ZGPAT: variants seen among roughly 807,000 people sequenced by gnomAD.
The protein encoded by ZGPAT is zinc finger CCCH-type and G-patch domain containing.
ZGPAT carries 39 observed loss-of-function variants against 47.9 expected under a neutral mutation model. The observed-to-expected ratio is 0.81, with a 90% CI of 0.63 to 1.06. The LOEUF is 1.06. Ranked by LOEUF, ZGPAT falls within the 50% of genes least tolerant of loss-of-function variation. ZGPAT has a pLI of 0.00. For synonymous variants in ZGPAT, 348 were observed against 292.9 expected, an observed-to-expected ratio of 1.19 and a Z score of -1.92; for missense variants, 717 against 681.4, an observed-to-expected ratio of 1.05 and a Z score of -0.58.
At chr20:63,731,401 TGGTG>T (rs2091900256) in intron 2 of ZGPAT, among the ~76,000 whole-genome samples, 2 of 145,554 alleles carry the variant, frequency 1.4e-5, no homozygotes, top group Non-Finnish European at 1.5e-5. Context: ...AGTTGGCCCT[TGGTG>T]TGTGTGTATG....
Position 63,734,814 on chromosome 20 carries a change from G to C in ZGPAT, c.981G>C (p.Glu327Asp). 6.3e-7 allele frequency: 1 copy of C among 1,598,342 alleles called. No individual in the cohort carries two copies. Among genetic ancestry groups the C allele is most frequent in the Middle Eastern group, 1.7e-4 (1 of 5,976 alleles). ...GACTCCTCACCAAGATGGGCTATGA[G>C]TTTGGCAAGGGTGAGTACAAGCTGC... is the stretch of plus-strand genomic sequence containing the variant. Reference protein sequence around the residue: ...GSRLLTKMGYEFGKGLGRHAE... With the variant: ...GSRLLTKMGYDFGKGLGRHAE... The change falls in exon 5 of 7, where the codon GAG becomes GAC. Residue 327 changes from glutamate (E) to aspartate (D), a missense_variant. Physicochemically the swap from Glu to Asp is conservative, Grantham distance 45. Transcript: ENST00000355969.
intron 2 of ZGPAT, among the ~76,000 whole-genome samples, chr20:63,729,660 A>T (rs1436547129): frequency 6.6e-6 from 1 of 151,746 alleles, no homozygotes; most frequent in Non-Finnish European, 1.5e-5. Context: ...TTTTCAGTTA[A>T]CTTCATGGAT....
chr20:63,732,301 ATG>A (rs1346989762), intron 2 of ZGPAT, among the ~76,000 whole-genome samples: 41 of 71,816 alleles, frequency 5.7e-4, no homozygotes, highest in East Asian at 3.1e-3. Context: ...GTGTGTGTGC[ATG>A]TGTGTGGGTG....
At chr20:63,715,833 T>TATAG (rs1568787911) in intron 2 of ZGPAT, among the ~76,000 whole-genome samples, 2 of 150,612 alleles carry the variant, frequency 1.3e-5, no homozygotes, top group South Asian at 2.1e-4. Flanking sequence ...CAATCATATA[T>TATAG]AGAGAGAGAG....
intron 2 of ZGPAT, among the ~76,000 whole-genome samples, chr20:63,732,940 GTGTGTATATA>G (rs1401742520): frequency 6.6e-6 from 1 of 151,846 alleles, no homozygotes; most frequent in African/African-American, 2.4e-5. Flanking sequence ...ATATGCACAA[GTGTGTATATA>G]TGTGTATGTG....
chr20:63,733,432 T>C (rs2091943980), intron 3 of ZGPAT, 80 bp downstream of exon 3: 2 of 1,597,362 alleles, frequency 1.3e-6, no homozygotes, highest in Admixed American at 1.7e-5. Flanking sequence ...GCTCCCTGCT[T>C]CCTTTGGGTT....
chr20:63,726,306 C>G (rs1350106818), intron 2 of ZGPAT, among the ~76,000 whole-genome samples: 8 of 149,728 alleles, frequency 5.3e-5, no homozygotes. Context: ...TCAAGTGATT[C>G]TCCTGCCTCA....
At chr20:63,731,113 C>T (rs1214343150) in intron 2 of ZGPAT, among the ~76,000 whole-genome samples, 1 of 152,160 alleles carries the variant, frequency 6.6e-6, no homozygotes, top group Non-Finnish European at 1.5e-5. Flanking sequence ...ACCCCCAGCA[C>T]ATCTGCCTTG....
intron 2 of ZGPAT, among the ~76,000 whole-genome samples, chr20:63,732,720 G>GTGTATA (rs1319241330): frequency 6.6e-6 from 1 of 151,598 alleles, no homozygotes; most frequent in African/African-American, 2.4e-5. Context: ...ACTTGTGTAT[G>GTGTATA]TGTATATGTG....
rs372254360 is a variant in ZGPAT, at chr20:63,711,780, G to T, written c.584+2616G>T. Among the ~76,000 whole-genome samples, 56 of 152,176 alleles carry T rather than the reference G, an allele frequency of 3.7e-4. No individual in the cohort carries two copies. In the East Asian group the frequency reaches 9.8e-3, roughly 27 times the overall value. On this transcript the variant is annotated intron_variant, in intron 2 of 6. Transcript: ENST00000355969. ...TTTTTATATTTTTAGTAGAGGCAGG[G>T]TTTCACCATGTTGGCCAGGCTGGTC...
rs2091985151 is a variant in ZGPAT at position 63,735,881 on chromosome 20, A to G, written c.1498A>G (p.Arg500Gly). 3 of 1,612,814 alleles carry G rather than the reference A, an allele frequency of 1.9e-6. No individual in the cohort carries two copies. The highest frequency in any genetic ancestry group is 3.3e-5 in the Admixed American group (2 of 60,000). ...AQEAGLQQEQ[R>G]KADTHKKMTE... Reference sequence around the variant, plus strand: ...GGAAGCCGGCCTGCAGCAGGAGCAGAGGAAGGCAGACACCCACAAGAAGAT... The same window carrying G: ...GGAAGCCGGCCTGCAGCAGGAGCAGGGGAAGGCAGACACCCACAAGAAGAT... Residue 500 changes from arginine (R) to glycine (G), a missense_variant, in exon 7 of 7, where the codon AGG becomes GGG. Transcript: ENST00000355969.
chr20:63,722,348 T>G (rs1277839914), intron 2 of ZGPAT, among the ~76,000 whole-genome samples: 1 of 152,154 alleles, frequency 6.6e-6, no homozygotes, highest in Non-Finnish European at 1.5e-5. Context: ...CAGAAAAGTT[T>G]ATTGGGAGGT....
chr20:63,708,541 CTCT>C lies in ZGPAT; in HGVS notation c.-28-7_-28-5del. 1.3e-6 allele frequency: 2 copies of C among 1,535,776 alleles called. No individual in the cohort carries two copies. The highest frequency in any genetic ancestry group is 1.8e-6 in the Non-Finnish European group (2 of 1,137,986). ...CCGAGACGCGGGGCTCAGCTGGCTT[CTCT>C]TCTTGCAGCCCTGGTCCAGCGCCTC... On this transcript the variant is annotated splice_polypyrimidine_tract_variant and intron_variant, in intron 1 of 6. Transcript: ENST00000355969.
rs1201524234 is a variant in ZGPAT, at chr20:63,708,953, G to A, written c.373G>A (p.Asp125Asn). The A allele has an allele frequency of 1.8e-5, 29 of 1,613,220 alleles. No individual in the cohort carries two copies. Among genetic ancestry groups the A allele is most frequent in the Non-Finnish European group, 2.2e-5 (26 of 1,180,010 alleles). The change falls in exon 2 of 7, where the codon GAC becomes AAC. Residue 125 changes from aspartate (D) to asparagine (N), a missense_variant. By Grantham distance (23) the Asp-to-Asn change is conservative (BLOSUM62 1). Coordinates refer to ENST00000355969, the MANE Select transcript of ZGPAT (RefSeq NM_181485.3). The stretch of plus-strand genomic sequence containing the variant: ...TGGGCAGGAGGAGGAAGAGGGAGAG[G>A]ACGAGGAAGAGCTGAGTGGGACAAA... ...AGGQEEEEGE[D>N]EEELSGTKVS...
rs756100823 is a variant in ZGPAT, at chr20:63,735,565, G to A, written c.1397+1G>A. 1 of 1,513,608 alleles carries A rather than the reference G, an allele frequency of 6.6e-7. No individual in the cohort carries two copies. Among genetic ancestry groups the A allele is most frequent in the Non-Finnish European group, 8.8e-7 (1 of 1,132,538 alleles). 93.8% of individuals were successfully genotyped at this position (1,513,608 alleles called of 1,614,324 possible). A position where few individuals can be genotyped will look rare whatever the true frequency, so the allele number is the denominator to read the frequency against. ...AGGCTCTCGCCCGCAACGCTGGCCG[G>A]TACGTGTGGGGCCCAGCTCAGGGCA... is the stretch of plus-strand genomic sequence containing the variant. On this transcript the variant is annotated splice_donor_variant, in intron 6 of 6. Coordinates refer to ENST00000355969, the MANE Select transcript of ZGPAT (RefSeq NM_181485.3). LOFTEE classifies it high-confidence loss of function.
At chr20:63,734,101 G>A in intron 4 of ZGPAT, 1 of 302,638 alleles carries the variant, frequency 3.3e-6, no homozygotes, top group Non-Finnish European at 6.2e-6. Context: ...GGACCTGGGT[G>A]CCTGGGATCC....
rs373921217 is a variant in ZGPAT at position 63,733,716 on chromosome 20, C to T, written c.848C>T (p.Thr283Met). The T allele has an allele frequency of 1.6e-5, 26 of 1,612,836 alleles. 1 individual carries two copies. The highest frequency in any genetic ancestry group is 6.7e-5 in the East Asian group (3 of 44,886). ...GAGTCCGACTCAGACAGCGACGGTA[C>T]GGGTGACTCCAGCTATGCCAGAGGT... is the stretch of plus-strand genomic sequence containing the variant. Reference protein sequence around the residue: ...ATESDSDSDGTGDSSYARVVG... With the variant: ...ATESDSDSDGMGDSSYARVVG... Residue 283 changes from threonine (T) to methionine (M), a missense_variant, in exon 4 of 7, where the codon ACG (threonine) becomes ATG (methionine). Physicochemically the swap from Thr to Met is moderately conservative, Grantham distance 81 (BLOSUM62 -1). Coordinates refer to ENST00000355969, the MANE Select transcript of ZGPAT (RefSeq NM_181485.3).
chr20:63,712,278 G>C (rs931233103), intron 2 of ZGPAT, among the ~76,000 whole-genome samples: 1 of 152,174 alleles, frequency 6.6e-6, no homozygotes, highest in Non-Finnish European at 1.5e-5. Context: ...TCCACTGAAT[G>C]GTCTTGGCAC....
intron 2 of ZGPAT, among the ~76,000 whole-genome samples, chr20:63,724,158 G>T (rs2091818612): frequency 6.6e-6 from 1 of 152,088 alleles, no homozygotes; most frequent in Non-Finnish European, 1.5e-5. Flanking sequence ...CGGAGGTCAG[G>T]AGTTTAAGAC....
Sources: allele counts gnomAD v4.1 joint callset (sites outside exome capture counted in the v4.1 genomes callset), GRCh38; gene constraint gnomAD v4.1.1; transcripts MANE v1.5; gene names NCBI Gene and HGNC (gene_info 2026-07-23, HGNC 2026-07-21).